Variants in TMEM14A observed in about 807,000 individuals in gnomAD.
TMEM14A encodes transmembrane protein 14A.
Under a neutral mutation model 11.6 loss-of-function variants are expected in TMEM14A, and 8 were observed. The observed-to-expected ratio is 0.69, with a 90% CI of 0.40 to 1.24. The LOEUF (loss-of-function observed/expected upper bound fraction) is 1.24, where lower values mean the gene tolerates loss of function less well. Ranked by LOEUF, TMEM14A falls within the 50% of genes most tolerant of loss-of-function variation. TMEM14A has a pLI of 0.01. For missense variants in TMEM14A, 108 were observed against 121.9 expected, an observed-to-expected ratio of 0.89 and a Z score of 0.54; for synonymous variants, 34 against 45.5, an observed-to-expected ratio of 0.75 and a Z score of 1.02.
intron 1 of TMEM14A, among the ~76,000 whole-genome samples, chr6:52,674,853 A>T (rs1464541317): frequency 6.8e-6 from 1 of 148,060 alleles, no homozygotes; most frequent in African/African-American, 2.5e-5. Flanking sequence ...AGTAAGTTCT[A>T]GTGGATGACT....
At chr6:52,678,310 AGTGTGTGTATGTGTGTGTTTGTGTGT>A (rs1346944511) in intron 2 of TMEM14A, among the ~76,000 whole-genome samples, 37 of 140,646 alleles carry the variant, frequency 2.6e-4, no homozygotes, top group South Asian at 2.3e-3. Context: ...AGATATAGAG[AGTGTGTGTATGTGTGTGTTTGTGTGT>A]GTGTGTGTGT....
At chr6:52,680,475 G>C (rs571891896) in intron 2 of TMEM14A, among the ~76,000 whole-genome samples, 2 of 150,296 alleles carry the variant, frequency 1.3e-5, no homozygotes, top group East Asian at 4.0e-4. Flanking sequence ...GACCTGTCCA[G>C]ATGTATGTTT....
Position 52,686,003 on chromosome 6 carries a change from A to T in TMEM14A, c.261-7A>T, listed in dbSNP as rs1253157745. 4 of 1,609,972 alleles carry T rather than the reference A, an allele frequency of 2.5e-6. No individual in the cohort carries two copies. Among genetic ancestry groups the T allele is most frequent in the Admixed American group, 3.4e-5 (2 of 59,136 alleles). ...CTCCCTTTGTCTTTGTTTTATTTTA[A>T]ATCCAGCCTCATGATGATCCTGAGA... On this transcript the variant is annotated splice_region_variant and splice_polypyrimidine_tract_variant and intron_variant, in intron 4 of 4. Transcript: ENST00000211314.
intron 1 of TMEM14A, among the ~76,000 whole-genome samples, chr6:52,675,075 G>A (rs1769231256): frequency 6.6e-6 from 1 of 151,958 alleles, no homozygotes; most frequent in Non-Finnish European, 1.5e-5. Context: ...TAGAGAAGGG[G>A]TTTCACCATG....
At chr6:52,682,006 T>A in intron 3 of TMEM14A, 92 bp downstream of exon 3, 1 of 1,069,826 alleles carries the variant, frequency 9.3e-7, no homozygotes, top group Admixed American at 2.3e-5. Context: ...ACATATTTAG[T>A]CAAATGGCAA....
At chr6:52,682,960 C>T (rs1035124295) in intron 3 of TMEM14A, among the ~76,000 whole-genome samples, 7 of 152,112 alleles carry the variant, frequency 4.6e-5, no homozygotes, top group African/African-American at 1.7e-4. Flanking sequence ...CAAAACCAAT[C>T]AGCCTTCTTT....
intron 2 of TMEM14A, among the ~76,000 whole-genome samples, chr6:52,678,212 T>A (rs1769295957): frequency 6.6e-6 from 1 of 152,176 alleles, no homozygotes; most frequent in Non-Finnish European, 1.5e-5. Flanking sequence ...TCAAAGACAA[T>A]GTCTAAATAA....
chr6:52,672,132 G>A (rs1769172837), intron 1 of TMEM14A, among the ~76,000 whole-genome samples: 1 of 152,212 alleles, frequency 6.6e-6, no homozygotes, highest in South Asian at 2.1e-4. Flanking sequence ...GGCAGAAGCT[G>A]TTCCTTTGGT....
At chr6:52,672,476 T>G (rs929229911) in intron 1 of TMEM14A, among the ~76,000 whole-genome samples, 1 of 152,248 alleles carries the variant, frequency 6.6e-6, no homozygotes, top group East Asian at 1.9e-4. Flanking sequence ...TTTTCCGGAC[T>G]GTGTGTTGGG....
intron 1 of TMEM14A, among the ~76,000 whole-genome samples, chr6:52,672,466 T>TCA (rs201222228): frequency 0.013 from 1,966 of 152,148 alleles, 45 homozygotes; most frequent in African/African-American, 0.044. Flanking sequence ...TGTAAGGGTG[T>TCA]TTTCCGGACT....
intron 1 of TMEM14A, among the ~76,000 whole-genome samples, chr6:52,673,729 G>A (rs1769204469): frequency 6.6e-6 from 1 of 152,136 alleles, no homozygotes; most frequent in Non-Finnish European, 1.5e-5. Flanking sequence ...GAGGACCAAG[G>A]CCATGTCTTA....
intron 4 of TMEM14A, among the ~76,000 whole-genome samples, chr6:52,685,116 G>A (rs1281795151): frequency 6.6e-6 from 1 of 152,162 alleles, no homozygotes; most frequent in East Asian, 1.9e-4. Flanking sequence ...AGCTGTTAGT[G>A]TTTTTCTGTG....
At chr6:52,681,729 G>C (rs1047654279) in intron 2 of TMEM14A, 84 bp from the exon 3 acceptor site, 1 of 1,160,788 alleles carries the variant, frequency 8.6e-7, no homozygotes, top group Admixed American at 1.8e-5. Flanking sequence ...ATTTGAAGGT[G>C]CCTGTATCAT....
intron 2 of TMEM14A, among the ~76,000 whole-genome samples, chr6:52,680,585 T>TTTTATATA (rs1387950814): frequency 2.1e-4 from 7 of 33,252 alleles, no homozygotes; most frequent in Non-Finnish European, 5.6e-4. Context: ...CACTATATAT[T>TTTTATATA]TATATATTTA....
At chr6:52,672,960 A>G (rs535196778) in intron 1 of TMEM14A, among the ~76,000 whole-genome samples, 15 of 152,254 alleles carry the variant, frequency 9.9e-5, no homozygotes, top group African/African-American at 3.6e-4. Context: ...GACTCCCTTT[A>G]CGGGGCTTAT....
chr6:52,679,433 A>G (rs73433348), intron 2 of TMEM14A, among the ~76,000 whole-genome samples: 1,970 of 152,296 alleles, frequency 0.013, 35 homozygotes, highest in African/African-American at 0.045. Flanking sequence ...GCACTGACAC[A>G]GCAATCCCTT....
intron 2 of TMEM14A, among the ~76,000 whole-genome samples, chr6:52,680,691 G>GTATATATATATATATATACATATATGTA (rs1554137475): frequency 5.7e-5 from 2 of 35,318 alleles, no homozygotes; most frequent in African/African-American, 1.5e-4. Flanking sequence ...ATACATATAT[G>GTATATATATATATATATACATATATGTA]TATATATATA....
intron 3 of TMEM14A, among the ~76,000 whole-genome samples, chr6:52,683,485 A>ACAACAACAACAACAAC (rs199587577): frequency 1.2e-5 from 1 of 86,634 alleles, no homozygotes; most frequent in Non-Finnish European, 2.5e-5. Context: ...AACAACAACA[A>ACAACAACAACAACAAC]AAAAAAAAAA....
chr6:52,673,007 C>T lies in TMEM14A; in HGVS notation c.-17+1762C>T, dbSNP rs57117721. Among the ~76,000 whole-genome samples, 162 of 152,332 alleles carry T rather than the reference C, an allele frequency of 1.1e-3. 1 individual carries two copies. Among genetic ancestry groups the T allele is most frequent in the African/African-American group, 3.8e-3 (157 of 41,554 alleles). ...GCCCTGTCTTTCTCACCAGCACCCT[C>T]TCTTTTCACAAGCCCCTTGCACTTT... On this transcript the variant is annotated intron_variant, in intron 1 of 4. Coordinates refer to ENST00000211314, the MANE Select transcript of TMEM14A (RefSeq NM_014051.4).
Sources: gnomAD v4.1 joint callset for allele counts (sites outside exome capture counted in the v4.1 genomes callset) on GRCh38, gnomAD v4.1.1 for gene constraint, MANE v1.5 for transcripts, NCBI Gene and HGNC (gene_info 2026-07-23, HGNC 2026-07-21) for gene names.